HTR1F: variants seen among roughly 807,000 people sequenced by gnomAD.
HTR1F encodes the protein 5-hydroxytryptamine (serotonin) receptor 1F, G protein-coupled.
A neutral mutation model predicts 24.0 loss-of-function variants in HTR1F; 17 were observed. That is an observed-to-expected ratio of 0.71 (90% confidence interval 0.48 to 1.06). The LOEUF is 1.06. Ranked by LOEUF, HTR1F falls within the 50% of genes least tolerant of loss-of-function variation. The pLI is 0.00. For synonymous variants in HTR1F, 186 were observed against 156.8 expected, an observed-to-expected ratio of 1.19 and a Z score of -1.39; for missense variants, 391 against 427.8, an observed-to-expected ratio of 0.91 and a Z score of 0.76.
At chr3:87,982,260 T>C (rs1318331665) in intron 2 of HTR1F, among the ~76,000 whole-genome samples, 1 of 152,226 alleles carries the variant, frequency 6.6e-6, no homozygotes, top group Non-Finnish European at 1.5e-5. Context: ...TATTTTTAAA[T>C]ATCTCAGATA....
intron 2 of HTR1F, among the ~76,000 whole-genome samples, chr3:87,881,237 C>T (rs1251797769): frequency 6.6e-6 from 1 of 151,738 alleles, no homozygotes; most frequent in African/African-American, 2.4e-5. Context: ...AAATACTGAG[C>T]TTTTCCAATG....
Position 87,849,873 on chromosome 3 carries a change from G to T in HTR1F, c.-43+27749G>T, listed in dbSNP as rs1013223847. Among the ~76,000 whole-genome samples the T allele has an allele frequency of 4.8e-4, 73 of 151,874 alleles. 3 individuals are homozygous for T. Among genetic ancestry groups the T allele is most frequent in the Admixed American group, 4.7e-3 (71 of 15,256 alleles). On this transcript the variant is annotated intron_variant, in intron 2 of 2. Transcript: ENST00000319595. The stretch of plus-strand genomic sequence containing the variant: ...GATGAAAAAATGCTCATCATCACTG[G>T]CCATCAGAGAAATGTAAATCAAAAC...
chr3:87,879,673 T>C (rs901621940), intron 2 of HTR1F, among the ~76,000 whole-genome samples: 1 of 152,226 alleles, frequency 6.6e-6, no homozygotes. Flanking sequence ...AGCAAATTTT[T>C]CATGATTTTA....
intron 2 of HTR1F, among the ~76,000 whole-genome samples, chr3:87,918,235 C>A (rs1011911141): frequency 6.6e-6 from 1 of 151,938 alleles, no homozygotes; most frequent in African/African-American, 2.4e-5. Flanking sequence ...ATAATAAAAG[C>A]CATCTATGAC....
intron 1 of HTR1F, among the ~76,000 whole-genome samples, chr3:87,808,503 T>C (rs1392937670): frequency 6.6e-6 from 1 of 151,844 alleles, no homozygotes; most frequent in Non-Finnish European, 1.5e-5. Flanking sequence ...GCCTTCTTTC[T>C]TTTATTTTTT....
At chr3:87,810,480 T>C (rs1412232617) in intron 1 of HTR1F, among the ~76,000 whole-genome samples, 1 of 152,176 alleles carries the variant, frequency 6.6e-6, no homozygotes, top group Non-Finnish European at 1.5e-5. Flanking sequence ...ATACTTTCTT[T>C]TGATGCCTTT....
At chr3:87,793,069 C>T (rs2107041794) in intron 1 of HTR1F, 1 of 152,644 alleles carries the variant, frequency 6.6e-6, no homozygotes, top group East Asian at 1.9e-4. Context: ...CCTCTGCTCC[C>T]TGGGGGCGAA....
chr3:87,808,314 G>A (rs539311725), intron 1 of HTR1F, among the ~76,000 whole-genome samples: 3 of 151,856 alleles, frequency 2.0e-5, no homozygotes, highest in South Asian at 2.1e-4. Flanking sequence ...GATCTGTTCA[G>A]ATTTTTAATT....
At chr3:87,850,496 A>G (rs1401901660) in intron 2 of HTR1F, among the ~76,000 whole-genome samples, 2 of 151,864 alleles carry the variant, frequency 1.3e-5, no homozygotes, top group African/African-American at 2.4e-5. Context: ...ATTAGGAGAT[A>G]TACCTAATGT....
chr3:87,963,679 A>T (rs1290281169), intron 2 of HTR1F, among the ~76,000 whole-genome samples: 1 of 152,154 alleles, frequency 6.6e-6, no homozygotes, highest in East Asian at 1.9e-4. Context: ...AGAACCAAGA[A>T]GCTCTGAGTT....
intron 2 of HTR1F, among the ~76,000 whole-genome samples, chr3:87,966,723 T>C (rs764373448): frequency 6.6e-6 from 1 of 152,202 alleles, no homozygotes; most frequent in Non-Finnish European, 1.5e-5. Context: ...AGATAAAAGA[T>C]AACCCCTTTG....
intron 2 of HTR1F, among the ~76,000 whole-genome samples, chr3:87,927,287 A>T (rs1303396979): frequency 6.6e-6 from 1 of 152,194 alleles, no homozygotes. Flanking sequence ...GAAAGGGAAA[A>T]ACAATACCCT....
rs201623389 is a variant in HTR1F at position 87,823,538 on chromosome 3, A to G, written c.-43+1414A>G. On this transcript the variant is annotated intron_variant, in intron 2 of 2. Coordinates refer to ENST00000319595, the MANE Select transcript of HTR1F (RefSeq NM_001322209.2). Reference sequence around the variant, plus strand: ...CATATTTTTTTTTTTTTTTTGAGACACGGTCTCATGCTTTTACCCAGGCTG... The same window carrying G: ...CATATTTTTTTTTTTTTTTTGAGACGCGGTCTCATGCTTTTACCCAGGCTG... 1.1e-4 allele frequency among the ~76,000 whole-genome samples: 16 copies of G among 140,732 alleles called. No homozygotes were observed. In the East Asian group the frequency reaches 3.1e-3, roughly 27 times the overall value. 92.3% of individuals were successfully genotyped at this position (140,732 alleles called of 152,430 possible).
intron 1 of HTR1F, among the ~76,000 whole-genome samples, chr3:87,806,629 G>A (rs1481515789): frequency 6.6e-6 from 1 of 151,834 alleles, no homozygotes; most frequent in Non-Finnish European, 1.5e-5. Flanking sequence ...GCTGATTATT[G>A]CTTTGCTGTG....
chr3:87,939,964 G>T (rs1159112447), intron 2 of HTR1F, among the ~76,000 whole-genome samples: 1 of 152,062 alleles, frequency 6.6e-6, no homozygotes, highest in African/African-American at 2.4e-5. Flanking sequence ...TTAGGGTGAT[G>T]ATTTTAGATC....
At chr3:87,964,247 A>G (rs1705119188) in intron 2 of HTR1F, among the ~76,000 whole-genome samples, 1 of 152,084 alleles carries the variant, frequency 6.6e-6, no homozygotes, top group Non-Finnish European at 1.5e-5. Flanking sequence ...CTCACCCTTA[A>G]TCTGAATTAT....
intron 1 of HTR1F, among the ~76,000 whole-genome samples, chr3:87,816,679 G>C (rs1421450460): frequency 1.3e-5 from 2 of 152,040 alleles, no homozygotes; most frequent in Non-Finnish European, 2.9e-5. Flanking sequence ...TGTACGTATA[G>C]TTTATGTCTA....
intron 2 of HTR1F, among the ~76,000 whole-genome samples, chr3:87,916,309 G>GAAAAAAAAA (rs34801984): frequency 0.012 from 1,293 of 109,008 alleles, 7 homozygotes; most frequent in Non-Finnish European, 0.017. Flanking sequence ...AAGCAAAAAA[G>GAAAAAAAAA]AAAAAAAAAA....
chr3:87,991,260 G>T lies in HTR1F; in HGVS notation c.511G>T (p.Glu171Ter). 1 of 1,614,062 alleles carries T rather than the reference G, an allele frequency of 6.2e-7. No individual in the cohort carries two copies. Among genetic ancestry groups the T allele is most frequent in the South Asian group, 1.1e-5 (1 of 91,078 alleles). The change falls in exon 3 of 3, where the codon GAA becomes TAA. Residue 171 changes from glutamate to a stop codon, truncating the protein, a stop_gained. Coordinates refer to ENST00000319595, the MANE Select transcript of HTR1F (RefSeq NM_001322209.2). LOFTEE classifies it high-confidence loss of function. ...GCACCAAGGAACTAGCAGAGATGAT[G>T]AATGCATCATCAAGCACGACCACAT... ...WRHQGTSRDD[E>*]CIIKHDHIVS...
Sources: allele counts gnomAD v4.1 joint callset (sites outside exome capture counted in the v4.1 genomes callset), GRCh38; gene constraint gnomAD v4.1.1; transcripts MANE v1.5; gene names NCBI Gene and HGNC (gene_info 2026-07-23, HGNC 2026-07-21).